TCF4: variants seen among roughly 807,000 people sequenced by gnomAD.
TCF4 encodes the protein SL3-3 enhancer factor 2.
Under a neutral mutation model 82.1 loss-of-function variants are expected in TCF4, and 3 were observed. The observed-to-expected ratio is 0.04, with a 90% CI of 0.02 to 0.09. The LOEUF (loss-of-function observed/expected upper bound fraction) is 0.09. Among genes scored for constraint, TCF4 ranks in the 10% least tolerant of loss-of-function variants. The probability of loss-of-function intolerance (pLI) is 1.00; values close to 1 mark genes in which losing one functional copy is unlikely to be tolerated. For missense variants in TCF4, 518 were observed against 852.7 expected, an observed-to-expected ratio of 0.61 and a Z score of 4.89; for synonymous variants, 276 against 309.6, an observed-to-expected ratio of 0.89 and a Z score of 1.14.
intron 6 of TCF4, among the ~76,000 whole-genome samples, chr18:55,388,748 C>A (rs1047572441): frequency 1.3e-5 from 2 of 152,176 alleles, no homozygotes; most frequent in African/African-American, 4.8e-5. Flanking sequence ...GGAGTTTGTT[C>A]CCCAGTCCCA....
upstream of TCF4, chr18:55,588,407 A>G: frequency 6.5e-7 from 1 of 1,533,444 alleles, no homozygotes; most frequent in Non-Finnish European, 8.7e-7. Context: ...CGAGGGGAAA[A>G]AAAAAAAATC....
At chr18:55,417,893 G>A (rs1374258893) in intron 5 of TCF4, among the ~76,000 whole-genome samples, 2 of 151,830 alleles carry the variant, frequency 1.3e-5, no homozygotes, top group Non-Finnish European at 2.9e-5. Context: ...GGGGAGAACT[G>A]TACCTATAAT....
intron 1 of TCF4, 114 bp downstream of exon 1, chr18:55,587,924 G>A: frequency 1.1e-6 from 1 of 881,684 alleles, no homozygotes; most frequent in South Asian, 5.2e-5. Context: ...GGAGCGCCGG[G>A]CGCCGGGAGC....
intron 6 of TCF4, among the ~76,000 whole-genome samples, chr18:55,394,907 T>G (rs944402296): frequency 6.6e-6 from 1 of 152,202 alleles, no homozygotes; most frequent in Admixed American, 6.5e-5. Context: ...GTTATCACTA[T>G]CAGGCACGGC....
At chr18:55,253,816 T>C (rs1295294880) in intron 15 of TCF4, among the ~76,000 whole-genome samples, 1 of 152,008 alleles carries the variant, frequency 6.6e-6, no homozygotes, top group African/African-American at 2.4e-5. Context: ...TTACTAGCAA[T>C]GTCATATTAT....
intron 6 of TCF4, among the ~76,000 whole-genome samples, chr18:55,382,643 A>G (rs954750670): frequency 6.6e-6 from 1 of 152,104 alleles, no homozygotes; most frequent in Non-Finnish European, 1.5e-5. Flanking sequence ...TATCCTGATC[A>G]CCTTGTTTTA....
At chr18:55,470,727 A>G (rs1323618194) in intron 3 of TCF4, among the ~76,000 whole-genome samples, 1 of 152,234 alleles carries the variant, frequency 6.6e-6, no homozygotes, top group Non-Finnish European at 1.5e-5. Context: ...TTATGAAATT[A>G]GAAAAATGCC....
chr18:55,230,392 C>T (rs1235879126), intron 17 of TCF4: 2 of 152,212 alleles, frequency 1.3e-5, no homozygotes, highest in Admixed American at 1.3e-4. Flanking sequence ...TCAAATATTC[C>T]AAGGGCTGTC....
At chr18:55,454,471 T>A (rs1483113894) in intron 5 of TCF4, among the ~76,000 whole-genome samples, 1 of 152,210 alleles carries the variant, frequency 6.6e-6, no homozygotes, top group Non-Finnish European at 1.5e-5. Flanking sequence ...TCCTACAACC[T>A]CTATGCTAAA....
At chr18:55,354,585 C>T (rs2083044558) in intron 6 of TCF4, among the ~76,000 whole-genome samples, 1 of 152,132 alleles carries the variant, frequency 6.6e-6, no homozygotes, top group South Asian at 2.1e-4. Flanking sequence ...CTGCTTGAAG[C>T]TTAAATTATC....
chr18:55,299,293 T>C (rs2067392034), intron 8 of TCF4, among the ~76,000 whole-genome samples: 1 of 152,028 alleles, frequency 6.6e-6, no homozygotes, highest in Non-Finnish European at 1.5e-5. Flanking sequence ...ACACCTGTAA[T>C]CCTAGCTACT....
At chr18:55,485,363 T>TA (rs2096498629) in intron 3 of TCF4, among the ~76,000 whole-genome samples, 1 of 152,334 alleles carries the variant, frequency 6.6e-6, no homozygotes, top group African/African-American at 2.4e-5. Context: ...TTTATGAACT[T>TA]ACTGCTCACT....
chr18:55,399,924 AC>A lies in TCF4; in HGVS notation c.369+3529del, dbSNP rs201435867. On this transcript the variant is annotated intron_variant, in intron 6 of 19. Coordinates refer to ENST00000354452, the MANE Select transcript of TCF4 (RefSeq NM_001083962.2). ...CACACACACACACACACACACACAC[AC>A]AATACTAAAAATGAAACCATGGCTT... Among the ~76,000 whole-genome samples, 371 of 147,288 alleles carry A rather than the reference AC, an allele frequency of 2.5e-3. 2 individuals carry two copies. Among genetic ancestry groups the A allele is most frequent in the African/African-American group, 6.6e-3 (257 of 38,966 alleles).
At chr18:55,355,768 A>G (rs1300617858) in intron 6 of TCF4, among the ~76,000 whole-genome samples, 1 of 152,186 alleles carries the variant, frequency 6.6e-6, no homozygotes, top group Non-Finnish European at 1.5e-5. Flanking sequence ...GACTTAAAAA[A>G]CTGCTGTGCT....
chr18:55,373,889 A>C (rs2090040681), intron 6 of TCF4, among the ~76,000 whole-genome samples: 1 of 152,138 alleles, frequency 6.6e-6, no homozygotes. Context: ...CTTAAAAAAA[A>C]CTAAGCATTT....
intron 14 of TCF4, 151 bp from the exon 15 acceptor site, chr18:55,254,851 T>C: frequency 1.3e-6 from 1 of 783,412 alleles, no homozygotes; most frequent in Non-Finnish European, 2.1e-6. Context: ...ATACAAATAG[T>C]GTTGTTTCCA....
At chr18:55,530,993 C>G (rs1392255091) in intron 3 of TCF4, among the ~76,000 whole-genome samples, 1 of 151,706 alleles carries the variant, frequency 6.6e-6, no homozygotes, top group Non-Finnish European at 1.5e-5. Context: ...GTTCTGTCAT[C>G]CAGGCGGGAG....
chr18:55,384,395 G>A (rs541644950), intron 6 of TCF4, among the ~76,000 whole-genome samples: 1 of 152,330 alleles, frequency 6.6e-6, no homozygotes, highest in East Asian at 1.9e-4. Flanking sequence ...CACATGAGGT[G>A]ACAGCATGTG....
At chr18:55,528,490 T>C (rs1215482716) in intron 3 of TCF4, among the ~76,000 whole-genome samples, 1 of 152,200 alleles carries the variant, frequency 6.6e-6, no homozygotes, top group African/African-American at 2.4e-5. Context: ...CAATAACAGT[T>C]GTTACATTAT....
Sources: allele counts gnomAD v4.1 joint callset (sites outside exome capture counted in the v4.1 genomes callset), GRCh38; gene constraint gnomAD v4.1.1; transcripts MANE v1.5; gene names NCBI Gene and HGNC (gene_info 2026-07-23, HGNC 2026-07-21).